Variants in TMEM108 observed in about 807,000 individuals in gnomAD.
TMEM108 encodes the protein cancer/testis antigen 124.
A neutral mutation model predicts 35.1 loss-of-function variants in TMEM108; 12 were observed. The ratio of observed to expected loss-of-function variants is 0.34; its 90% CI spans 0.22 to 0.55. The LOEUF (loss-of-function observed/expected upper bound fraction) is 0.55, where lower values mean the gene tolerates loss of function less well. Among genes scored for constraint, TMEM108 ranks in the 20% least tolerant of loss-of-function variants. The pLI is 0.89. For synonymous variants in TMEM108, 287 were observed against 308.6 expected, an observed-to-expected ratio of 0.93 and a Z score of 0.73; for missense variants, 680 against 753.3, an observed-to-expected ratio of 0.90 and a Z score of 1.14.
In TMEM108 at chr3:133,227,436, G is replaced by A. The variant is rs1215659409; in HGVS notation, c.-46-1830G>A. Among the ~76,000 whole-genome samples, 272 of 147,840 alleles carry A rather than the reference G, an allele frequency of 1.8e-3. 1 individual carries two copies. Among genetic ancestry groups the A allele is most frequent in the African/African-American group, 6.4e-3 (258 of 40,598 alleles). On this transcript the variant is annotated intron_variant, in intron 2 of 5. Coordinates refer to ENST00000321871, the MANE Select transcript of TMEM108 (RefSeq NM_023943.4). Reference sequence around the variant, plus strand: ...TCTCGATCTCCTGACCTCGTGATCCGCCCGCCTCGGCCTCCCAAAGTGCTG... The same window carrying A: ...TCTCGATCTCCTGACCTCGTGATCCACCCGCCTCGGCCTCCCAAAGTGCTG...
At chr3:133,116,882 G>T (rs1188252536) in intron 2 of TMEM108, among the ~76,000 whole-genome samples, 2 of 152,128 alleles carry the variant, frequency 1.3e-5, no homozygotes, top group Non-Finnish European at 2.9e-5. Context: ...CGATTCTCCT[G>T]CCCCAGCCTC....
chr3:133,148,167 G>A (rs761833831), intron 2 of TMEM108, among the ~76,000 whole-genome samples: 3 of 152,176 alleles, frequency 2.0e-5, no homozygotes, highest in Non-Finnish European at 4.4e-5. Context: ...ATCATTTTCT[G>A]ATAAAATAGC....
chr3:133,040,209 T>TG lies in TMEM108; in HGVS notation c.-166+1774_-166+1775insG, dbSNP rs200538644. ...AGTTTTTTTTGTTTGTTTGTTTGTT[T>TG]TTTTTTTTTTTTGAGACGGAGTCTC... On this transcript the variant is annotated intron_variant, in intron 1 of 5. Transcript: ENST00000321871. 6.9e-3 allele frequency among the ~76,000 whole-genome samples: 1,001 copies of TG among 144,840 alleles called. 11 individuals carry two copies. Among genetic ancestry groups the TG allele is most frequent in the East Asian group, 0.011 (56 of 5,144 alleles).
intron 2 of TMEM108, among the ~76,000 whole-genome samples, chr3:133,170,248 T>TATTC (rs1945110152): frequency 6.6e-6 from 1 of 152,178 alleles, no homozygotes; most frequent in Non-Finnish European, 1.5e-5. Flanking sequence ...ATTCCCATAA[T>TATTC]ATTCACATTG....
At chr3:133,264,453 T>TTTC (rs1946669308) in intron 3 of TMEM108, among the ~76,000 whole-genome samples, 1 of 152,194 alleles carries the variant, frequency 6.6e-6, no homozygotes, top group Non-Finnish European at 1.5e-5. Flanking sequence ...AGAAGTTTAT[T>TTTC]CTATTAACTT....
intron 2 of TMEM108, among the ~76,000 whole-genome samples, chr3:133,187,296 A>G (rs1380632924): frequency 1.6e-4 from 25 of 152,212 alleles, no homozygotes; most frequent in Admixed American, 1.6e-3. Context: ...ACCTAAACTC[A>G]ATCTTCACCA....
intron 4 of TMEM108, among the ~76,000 whole-genome samples, chr3:133,382,153 G>A (rs750276430): frequency 2.0e-5 from 3 of 152,106 alleles, no homozygotes; most frequent in Non-Finnish European, 4.4e-5. Context: ...CACCCCAAAT[G>A]GTTACCATCT....
chr3:133,135,220 C>G (rs1229927356), intron 2 of TMEM108, among the ~76,000 whole-genome samples: 1 of 148,626 alleles, frequency 6.7e-6, no homozygotes, highest in East Asian at 2.0e-4. Context: ...GGGTCTTTCT[C>G]TCTTCTAATA....
intron 2 of TMEM108, among the ~76,000 whole-genome samples, chr3:133,227,039 A>G (rs1946081700): frequency 6.6e-6 from 1 of 151,936 alleles, no homozygotes; most frequent in African/African-American, 2.4e-5. Context: ...CACGGGAAAG[A>G]CCCACCCCCG....
chr3:133,108,190 C>T (rs1233227789), intron 2 of TMEM108, among the ~76,000 whole-genome samples: 4 of 152,096 alleles, frequency 2.6e-5, no homozygotes, highest in South Asian at 4.2e-4. Context: ...AAGATCACAC[C>T]GCTGTACTCC....
At chr3:133,304,092 G>T (rs1249552651) in intron 3 of TMEM108, among the ~76,000 whole-genome samples, 2 of 152,178 alleles carry the variant, frequency 1.3e-5, no homozygotes, top group Non-Finnish European at 2.9e-5. Flanking sequence ...AATTTTGTTG[G>T]CTGTCATGAT....
At chr3:133,075,039 G>A (rs2107692445) in intron 2 of TMEM108, among the ~76,000 whole-genome samples, 1 of 151,996 alleles carries the variant, frequency 6.6e-6, no homozygotes, top group South Asian at 2.1e-4. Flanking sequence ...TGCAATTTTA[G>A]GCTCTATCCA....
intron 5 of TMEM108, among the ~76,000 whole-genome samples, chr3:133,394,306 C>T (rs1434537717): frequency 2.6e-5 from 4 of 152,238 alleles, no homozygotes; most frequent in Admixed American, 1.3e-4. Flanking sequence ...TGCCCTGCCC[C>T]CACTGCTGTG....
chr3:133,321,839 C>G (rs753657607), intron 3 of TMEM108, among the ~76,000 whole-genome samples: 2 of 152,108 alleles, frequency 1.3e-5, no homozygotes, highest in Non-Finnish European at 2.9e-5. Flanking sequence ...CCTCTCAGAC[C>G]ACAGTGGAAA....
chr3:133,096,874 C>T (rs1445872136), intron 2 of TMEM108, among the ~76,000 whole-genome samples: 1 of 152,140 alleles, frequency 6.6e-6, no homozygotes, highest in Non-Finnish European at 1.5e-5. Context: ...ACAAATATGA[C>T]AGCCAAGGAA....
At chr3:133,115,480 G>C (rs1944277448) in intron 2 of TMEM108, among the ~76,000 whole-genome samples, 1 of 152,166 alleles carries the variant, frequency 6.6e-6, no homozygotes, top group African/African-American at 2.4e-5. Context: ...GGTTCAAAGA[G>C]GTGACTCCTT....
rs189688202 is a variant in TMEM108 at position 133,225,559 on chromosome 3, C to G, written c.-46-3707C>G. 3.7e-3 allele frequency among the ~76,000 whole-genome samples: 568 copies of G among 152,224 alleles called. 5 individuals carry two copies. Among genetic ancestry groups the G allele is most frequent in the African/African-American group, 0.013 (520 of 41,526 alleles). Reference sequence around the variant, plus strand: ...TGGAATACTTATGTTCTTCCTCACCCTAGCTGGATTTTGATGAGATCAAGT... The same window carrying G: ...TGGAATACTTATGTTCTTCCTCACCGTAGCTGGATTTTGATGAGATCAAGT... On this transcript the variant is annotated intron_variant, in intron 2 of 5. Coordinates refer to ENST00000321871, the MANE Select transcript of TMEM108 (RefSeq NM_023943.4).
intron 3 of TMEM108, among the ~76,000 whole-genome samples, chr3:133,329,340 C>G (rs1208386055): frequency 6.6e-6 from 1 of 152,136 alleles, no homozygotes; most frequent in Non-Finnish European, 1.5e-5. Context: ...GGTTGGGGCT[C>G]TTTGCTGAGA....
At chr3:133,227,890 T>C (rs1946097617) in intron 2 of TMEM108, among the ~76,000 whole-genome samples, 1 of 151,634 alleles carries the variant, frequency 6.6e-6, no homozygotes, top group African/African-American at 2.4e-5. Context: ...TGAGACTTCG[T>C]CTCAAAAAAA....
Sources: gnomAD v4.1 joint callset for allele counts (sites outside exome capture counted in the v4.1 genomes callset) on GRCh38, gnomAD v4.1.1 for gene constraint, MANE v1.5 for transcripts, NCBI Gene and HGNC (gene_info 2026-07-23, HGNC 2026-07-21) for gene names.